COL4A5: variants seen among roughly 807,000 people sequenced by gnomAD.
COL4A5 encodes the protein collagen type IV alpha 5 chain.
Under a neutral mutation model 130.2 loss-of-function variants are expected in COL4A5, and 26 were observed. The ratio of observed to expected loss-of-function variants is 0.20; its 90% CI spans 0.15 to 0.28. The LOEUF is 0.28. Among genes scored for constraint, COL4A5 ranks in the 10% least tolerant of loss-of-function variants. COL4A5 has a pLI of 1.00. For missense variants in COL4A5, 1,131 were observed against 1,344.3 expected, an observed-to-expected ratio of 0.84 and a Z score of 2.48; for synonymous variants, 496 against 439.6, an observed-to-expected ratio of 1.13 and a Z score of -1.60.
intron 28 of COL4A5, among the ~76,000 whole-genome samples, chrX:108,604,294 A>G (rs2066692734): frequency 8.9e-6 from 1 of 112,477 alleles, no homozygotes; most frequent in Non-Finnish European, 1.9e-5. Context: ...GAAAATTAAA[A>G]GCACTCTTTG....
chrX:108,450,413 A>G (rs973223470), intron 1 of COL4A5, among the ~76,000 whole-genome samples: 17 of 111,983 alleles, frequency 1.5e-4, no homozygotes, highest in Non-Finnish European at 2.4e-4. Context: ...TTTTACTTGA[A>G]AAACAACTGA....
intron 36 of COL4A5, among the ~76,000 whole-genome samples, chrX:108,628,170 T>C (rs1054899507): frequency 6.3e-5 from 7 of 110,796 alleles, no homozygotes; most frequent in African/African-American, 6.5e-5. Context: ...ATTTAACCTA[T>C]TATGAATATG....
chrX:108,494,285 A>G (rs1314076441), intron 1 of COL4A5, among the ~76,000 whole-genome samples: 1 of 111,305 alleles, frequency 9.0e-6, no homozygotes, highest in Non-Finnish European at 1.9e-5. Context: ...ACTCTGACAC[A>G]TGGATTTTCT....
chrX:108,647,964 G>A (rs999197130), intron 36 of COL4A5, among the ~76,000 whole-genome samples: 2 of 111,532 alleles, frequency 1.8e-5, no homozygotes, highest in Admixed American at 1.9e-4. Flanking sequence ...TTTTTGATGT[G>A]TTGCTGGATT....
chrX:108,667,466 GATAAGAAAAGTCTGTAGAA>G (rs1439780245), intron 40 of COL4A5, among the ~76,000 whole-genome samples: 1 of 110,942 alleles, frequency 9.0e-6, no homozygotes, highest in African/African-American at 3.3e-5. Flanking sequence ...ATTGCAGGAA[GATAAGAAAAGTCTGTAGAA>G]ATAAGAAAAG....
chrX:108,674,816 A>T, intron 43 of COL4A5, 63 bp downstream of exon 43: 2 of 1,082,974 alleles, frequency 1.8e-6, no homozygotes, highest in Admixed American at 2.6e-5. Context: ...GTGTGTGATA[A>T]GAGAAATGCA....
Position 108,573,537 on chromosome X carries a change from A to G in COL4A5, c.466-37A>G. On this transcript the variant is annotated intron_variant, in intron 8 of 52. Transcript: ENST00000328300. ...GTTTTGCTGGTTTTCATGTATAATA[A>G]CTGTGTCTTAGAACTTCCATTGATG... 3 of 993,299 alleles carry G rather than the reference A, an allele frequency of 3.0e-6. No homozygotes were observed. In the South Asian group the frequency reaches 5.7e-5, roughly 19 times the overall value. The allele number at this position is 993,299 out of a possible 1,213,427, so 81.9% of individuals were successfully genotyped here.
chrX:108,556,169 A>G (rs1344230550), intron 2 of COL4A5, among the ~76,000 whole-genome samples: 1 of 111,919 alleles, frequency 8.9e-6, no homozygotes, highest in Non-Finnish European at 1.9e-5. Context: ...TAGGAAAATT[A>G]CAAAATTTTT....
rs150727645 is a variant in COL4A5 at position 108,663,831 on chromosome X, A to C, written c.3374-1676A>C. On this transcript the variant is annotated intron_variant, in intron 37 of 52. Coordinates refer to ENST00000328300, the MANE Select transcript of COL4A5 (RefSeq NM_033380.3). ...AACCCAACAACCTTTATTTGGTAAC[A>C]GTTGACAAATGGATTCTAAAATGTG... is the stretch of plus-strand genomic sequence containing the variant. Among the ~76,000 whole-genome samples, 1,091 of 111,874 alleles carry C rather than the reference A, an allele frequency of 9.8e-3. 17 individuals carry two copies. Among genetic ancestry groups the C allele is most frequent in the African/African-American group, 0.034 (1,038 of 30,767 alleles).
chrX:108,479,481 TG>T (rs2064867766), intron 1 of COL4A5, among the ~76,000 whole-genome samples: 1 of 112,232 alleles, frequency 8.9e-6, no homozygotes. Flanking sequence ...ACCGTAGTGT[TG>T]CAGCTGTCCA....
At chrX:108,655,601 T>TA in intron 37 of COL4A5, 144 bp downstream of exon 37, 1 of 705,097 alleles carries the variant, frequency 1.4e-6, no homozygotes, top group East Asian at 3.5e-5. Context: ...ACTATCTCTT[T>TA]ACCTTTTCTT....
At chrX:108,658,845 A>G (rs1370436070) in intron 37 of COL4A5, among the ~76,000 whole-genome samples, 1 of 111,350 alleles carries the variant, frequency 9.0e-6, no homozygotes, top group Non-Finnish European at 1.9e-5. Flanking sequence ...ATTGTTAAAA[A>G]TTAACTTTCG....
At chrX:108,565,942 C>A (rs2065960603) in intron 4 of COL4A5, among the ~76,000 whole-genome samples, 1 of 108,797 alleles carries the variant, frequency 9.2e-6, no homozygotes, top group African/African-American at 3.4e-5. Context: ...GTGAACTTAA[C>A]TATTGAATAA....
chrX:108,697,069 A>C lies in COL4A5; in HGVS notation c.*691A>C, dbSNP rs1453278154. The C allele has an allele frequency of 1.8e-5, 2 of 111,848 alleles. No individual in the cohort carries two copies. The highest frequency in any genetic ancestry group is 6.5e-5 in the African/African-American group (2 of 30,835). 9.2% of individuals were successfully genotyped at this position (111,848 alleles called of 1,213,427 possible). ...AGTTCTGTTTTGATTTTTTTTAAAA[A>C]ACAAACCCTTTTAGTCACTTTAATC... On this transcript the variant is annotated 3_prime_UTR_variant, in exon 53 of 53. Transcript: ENST00000328300.
At chrX:108,449,083 A>G (rs1187771873) in intron 1 of COL4A5, among the ~76,000 whole-genome samples, 1 of 112,002 alleles carries the variant, frequency 8.9e-6, no homozygotes, top group Non-Finnish European at 1.9e-5. Flanking sequence ...ATCGTGTTAT[A>G]TGTATATGCC....
intron 10 of COL4A5, among the ~76,000 whole-genome samples, chrX:108,577,405 GA>G (rs1462673918): frequency 1.1e-5 from 1 of 88,773 alleles, no homozygotes; most frequent in Non-Finnish European, 2.3e-5. Flanking sequence ...AAGAAAGAAA[GA>G]AAGAAATGCC....
At chrX:108,641,080 G>C (rs2067456610) in intron 36 of COL4A5, among the ~76,000 whole-genome samples, 1 of 111,789 alleles carries the variant, frequency 8.9e-6, no homozygotes, top group African/African-American at 3.3e-5. Flanking sequence ...AATAACAAAT[G>C]TTGGCAAGGA....
chrX:108,640,923 A>G lies in COL4A5; in HGVS notation c.3247-14408A>G, dbSNP rs774437511. ...AGTGAAAAAATGAACAAAGGAATTG[A>G]ATAGCTATTTCTCTAAGAAAGATGT... On this transcript the variant is annotated intron_variant, in intron 36 of 52. Coordinates refer to ENST00000328300, the MANE Select transcript of COL4A5 (RefSeq NM_033380.3). Among the ~76,000 whole-genome samples, 8 of 111,986 alleles carry G rather than the reference A, an allele frequency of 7.1e-5. No homozygotes were observed. In the East Asian group the frequency reaches 2.2e-3, roughly 31 times the overall value.
chrX:108,653,345 A>G (rs903587435), intron 36 of COL4A5, among the ~76,000 whole-genome samples: 7 of 109,757 alleles, frequency 6.4e-5, no homozygotes, highest in Admixed American at 3.9e-4. Flanking sequence ...ACCTGTGGAT[A>G]ATACCTAACC....
Sources: allele counts gnomAD v4.1 joint callset (sites outside exome capture counted in the v4.1 genomes callset), GRCh38; gene constraint gnomAD v4.1.1; transcripts MANE v1.5; gene names NCBI Gene and HGNC (gene_info 2026-07-23, HGNC 2026-07-21).